Variants in DOT1L observed in about 807,000 individuals in gnomAD.
DOT1L encodes histone-lysine N-methyltransferase, H3 lysine-79 specific.
In DOT1L, 33 loss-of-function variants were observed where a neutral mutation model predicts 153.3. The observed-to-expected ratio is 0.22, with a 90% confidence interval of 0.16 to 0.29. The LOEUF (loss-of-function observed/expected upper bound fraction) is 0.29, where lower values mean the gene tolerates loss of function less well. Ranked by LOEUF, DOT1L falls within the 10% of genes least tolerant of loss-of-function variation. The pLI, the probability that DOT1L is intolerant of heterozygous loss-of-function variation, is 1.00. For synonymous variants in DOT1L, 1,135 were observed against 965.1 expected (o/e 1.18, Z -3.26); for missense variants, 1,847 against 2,119.9 (o/e 0.87, Z 2.53).
rs118018212 is a variant in DOT1L, at chr19:2,221,837, G to A, written c.2807-139G>A. On this transcript the variant is annotated intron_variant, in intron 23 of 27. Coordinates refer to ENST00000398665, the MANE Select transcript of DOT1L (RefSeq NM_032482.3). ...CTTCTGGTTCCACCCCAGAGGGGCC[G>A]TTTTCAGACTCCCAACCCCTTCCCC... 17 of 916,688 alleles carry A rather than the reference G, an allele frequency of 1.9e-5. No individual in the cohort carries two copies. In the East Asian group the frequency reaches 2.1e-4, roughly 11 times the overall value. The allele number at this position is 916,688 out of a possible 1,614,324, so 56.8% of individuals were successfully genotyped here. A position where few individuals can be genotyped will look rare whatever the true frequency, so the allele number is the denominator to read the frequency against.
chr19:2,182,002 C>T (rs543646319), intron 2 of DOT1L, among the ~76,000 whole-genome samples: 17 of 152,112 alleles, frequency 1.1e-4, no homozygotes, highest in East Asian at 1.9e-4. Flanking sequence ...GCAGGGAGAT[C>T]GCTTGAGGCC....
rs1272282748 is a variant in DOT1L, at chr19:2,220,457, C to T, written c.2806+235C>T. 3.1e-6 allele frequency: 2 copies of T among 640,442 alleles called. No homozygotes were observed. The highest frequency in any genetic ancestry group is 3.1e-5 in the East Asian group (1 of 32,358). 39.7% of individuals were successfully genotyped at this position (640,442 alleles called of 1,614,324 possible). The stretch of plus-strand genomic sequence containing the variant: ...ATACCTGGGTCTCCCGACACTGACA[C>T]CTCCTGCTTGGGTGTATTAATTCAG... On this transcript the variant is annotated intron_variant, in intron 23 of 27. Coordinates refer to ENST00000398665, the MANE Select transcript of DOT1L (RefSeq NM_032482.3). The surrounding 1 kb of genome is among the most constrained non-coding windows in gnomAD (Gnocchi z 4.5).
chr19:2,209,080 A>G (rs1316050169), intron 12 of DOT1L, 104 bp downstream of exon 12: 2 of 1,339,376 alleles, frequency 1.5e-6, no homozygotes, highest in Non-Finnish European at 2.1e-6. Flanking sequence ...ACTGGAGCAC[A>G]GCCCTGCCGC....
rs183206326 is a variant in DOT1L at position 2,183,861 on chromosome 19, G to A, written c.126-1994G>A. 3.3e-3 allele frequency among the ~76,000 whole-genome samples: 503 copies of A among 152,142 alleles called. 3 individuals carry two copies. The highest frequency in any genetic ancestry group is 0.011 in the African/African-American group (476 of 41,522). On this transcript the variant is annotated intron_variant, in intron 2 of 27. Transcript: ENST00000398665. ...AGGCTGGTCTCGAACTCCTGACCTC[G>A]TGATCCGCCTGCCTCGGCCTCCCAA...
intron 1 of DOT1L, among the ~76,000 whole-genome samples, chr19:2,180,404 G>A (rs531200965): frequency 1.1e-4 from 16 of 152,310 alleles, no homozygotes; most frequent in East Asian, 9.7e-4. Context: ...AGCTTGGGGC[G>A]GCCGTTTGCT....
chr19:2,173,081 A>C (rs4807209), intron 1 of DOT1L, among the ~76,000 whole-genome samples: 147,270 of 152,234 alleles, frequency 0.97, 71,302 homozygotes, highest in East Asian at 1. Flanking sequence ...AGAACGTTCT[A>C]ATCACCCCAA....
Position 2,189,137 on chromosome 19 carries a change from G to A in DOT1L, c.201-595G>A, listed in dbSNP as rs1484831255. On this transcript the variant is annotated intron_variant, in intron 3 of 27. Transcript: ENST00000398665. ...TGCTGACGTGACACACTGCTGACGT[G>A]ACACACTGCTGACATGACACACTGC... Among the ~76,000 whole-genome samples the A allele has an allele frequency of 3.3e-5, 5 of 152,126 alleles. No individual in the cohort carries two copies. The East Asian group carries it at 9.6e-4, about 29-fold the overall frequency.
chr19:2,171,063 A>G (rs1221099822), intron 1 of DOT1L, among the ~76,000 whole-genome samples: 1 of 152,184 alleles, frequency 6.6e-6, no homozygotes, highest in East Asian at 1.9e-4. Flanking sequence ...CCCAGGCTGA[A>G]AGGATTCTCT....
At chr19:2,195,919 T>G (rs1229958187) in intron 7 of DOT1L, among the ~76,000 whole-genome samples, 2 of 152,200 alleles carry the variant, frequency 1.3e-5, no homozygotes, top group Admixed American at 1.3e-4. Flanking sequence ...TGGCATACAG[T>G]TCCAGTCCCC....
Position 2,180,765 on chromosome 19 carries a change from A to G in DOT1L, c.125+9A>G, listed in dbSNP as rs2022193543. The G allele has an allele frequency of 1.2e-6, 2 of 1,613,878 alleles. No individual in the cohort carries two copies. The highest frequency in any genetic ancestry group is 2.2e-5 in the South Asian group (2 of 91,040). ...ATCATCGAGACCATCCGGTGAGTGC[A>G]CGGCCTGCAGTGTGTTGTCTTCACA... On this transcript the variant is annotated intron_variant, in intron 2 of 27. Transcript: ENST00000398665.
intron 25 of DOT1L, among the ~76,000 whole-genome samples, chr19:2,224,113 G>A (rs570742850): frequency 6.6e-6 from 1 of 152,216 alleles, no homozygotes; most frequent in African/African-American, 2.4e-5. Context: ...TGAGCGTGAC[G>A]TCCTCAAGGT....
At chr19:2,183,298 G>A (rs1218431927) in intron 2 of DOT1L, among the ~76,000 whole-genome samples, 1 of 152,172 alleles carries the variant, frequency 6.6e-6, no homozygotes, top group African/African-American at 2.4e-5. Context: ...AGCCTCCCGA[G>A]TAGCAGGGAT....
chr19:2,225,247 T>G, intron 25 of DOT1L, 141 bp from the exon 26 acceptor site: 1 of 751,668 alleles, frequency 1.3e-6, no homozygotes, highest in Non-Finnish European at 2.3e-6. Flanking sequence ...TGGCCCAGGG[T>G]GGCTGCACGG....
chr19:2,206,713 A>G lies in DOT1L; in HGVS notation c.788-16A>G, dbSNP rs1360619436. 3.7e-6 allele frequency: 6 copies of G among 1,613,478 alleles called. No homozygotes were observed. The highest frequency in any genetic ancestry group is 5.1e-6 in the Non-Finnish European group (6 of 1,179,684). The stretch of plus-strand genomic sequence containing the variant: ...TCCTCTCTCCTGTGTGGCAGTAAGC[A>G]GTGTCTGTGTTTCAGGTGGCAGAAT... On this transcript the variant is annotated splice_polypyrimidine_tract_variant and intron_variant, in intron 9 of 27. Coordinates refer to ENST00000398665, the MANE Select transcript of DOT1L (RefSeq NM_032482.3).
intron 19 of DOT1L, 148 bp downstream of exon 19, chr19:2,214,744 C>G (rs1236076455): frequency 1.6e-6 from 2 of 1,240,660 alleles, no homozygotes; most frequent in Non-Finnish European, 2.2e-6. Context: ...ATGGAACCTT[C>G]TGTCTTGGGC....
chr19:2,176,665 C>A (rs1406152413), intron 1 of DOT1L, among the ~76,000 whole-genome samples: 1 of 152,176 alleles, frequency 6.6e-6, no homozygotes, highest in African/African-American at 2.4e-5. Context: ...GCCGACAGCC[C>A]CCTCCAACCT....
At position 2,179,343 on chromosome 19, in the gene DOT1L, C is replaced by T. The variant is rs148432315; in HGVS notation, c.82-1370C>T. Reference sequence around the variant, plus strand: ...CTTTTTCTCTGCCCTGGGAGAGGCTCGCTGAGGCTGCACGGCTGCCTGGGA... The same window carrying T: ...CTTTTTCTCTGCCCTGGGAGAGGCTTGCTGAGGCTGCACGGCTGCCTGGGA... On this transcript the variant is annotated intron_variant, in intron 1 of 27. Transcript: ENST00000398665. 6.3e-3 allele frequency among the ~76,000 whole-genome samples: 938 copies of T among 149,436 alleles called. 9 individuals carry two copies. Among genetic ancestry groups the T allele is most frequent in the Non-Finnish European group, 0.011 (747 of 66,080 alleles).
At chr19:2,219,800 G>A (rs1446461233) in intron 22 of DOT1L, among the ~76,000 whole-genome samples, 1 of 152,148 alleles carries the variant, frequency 6.6e-6, no homozygotes, top group East Asian at 1.9e-4. Context: ...CGGTGAGGGC[G>A]GGCTGTGGGT....
At chr19:2,186,382 C>T (rs565867359) in intron 3 of DOT1L, among the ~76,000 whole-genome samples, 29 of 152,232 alleles carry the variant, frequency 1.9e-4, no homozygotes, top group East Asian at 7.7e-4. Context: ...TCCTGGGTCT[C>T]GGAGGAGGGT....
Sources: gnomAD v4.1 joint callset for allele counts (sites outside exome capture counted in the v4.1 genomes callset) on GRCh38, gnomAD v4.1.1 for gene constraint, Gnocchi (gnomAD v3.1) non-coding constraint, MANE v1.5 for transcripts, NCBI Gene and HGNC (gene_info 2026-07-23, HGNC 2026-07-21) for gene names.